Variants in CCDC150 observed in about 807,000 individuals in gnomAD.
CCDC150 encodes the protein coiled-coil domain containing 150.
CCDC150 carries 151 observed loss-of-function variants against 156.5 expected under a neutral mutation model. The observed-to-expected ratio is 0.97, with a 90% CI of 0.85 to 1.10. The LOEUF (loss-of-function observed/expected upper bound fraction) is 1.10, where lower values mean the gene tolerates loss of function less well. CCDC150 is among the 50% of genes least tolerant of loss of function. CCDC150 has a pLI of 0.00. For synonymous variants in CCDC150, 452 were observed against 429.4 expected (o/e 1.05, Z -0.65); for missense variants, 1,312 against 1,268.1 (o/e 1.03, Z -0.53).
chr2:196,706,895 C>A (rs1696688659), intron 15 of CCDC150, among the ~76,000 whole-genome samples: 1 of 152,202 alleles, frequency 6.6e-6, no homozygotes, highest in Non-Finnish European at 1.5e-5. Flanking sequence ...TTTTGATGTG[C>A]TGCTGGATTT....
intron 13 of CCDC150, among the ~76,000 whole-genome samples, chr2:196,694,203 T>G (rs1695670433): frequency 1.3e-5 from 2 of 152,172 alleles, no homozygotes; most frequent in African/African-American, 4.8e-5. Context: ...ATTATAGGCA[T>G]GTGCCACCAC....
At chr2:196,696,371 A>C (rs1201097653) in intron 14 of CCDC150, among the ~76,000 whole-genome samples, 1 of 152,032 alleles carries the variant, frequency 6.6e-6, no homozygotes, top group Non-Finnish European at 1.5e-5. Context: ...TTTCAGACCA[A>C]CCCTCTCTCT....
In CCDC150 at chr2:196,695,148, G is replaced by T; in HGVS notation, c.1612G>T (p.Asp538Tyr). 6.3e-7 allele frequency: 1 copy of T among 1,588,672 alleles called. No individual in the cohort carries two copies. The highest frequency in any genetic ancestry group is 1.1e-5 in the South Asian group (1 of 90,234). The change falls in exon 14 of 28, where the codon GAT becomes TAT. Residue 538 changes from aspartate to tyrosine, a missense_variant. Asp to Tyr is a radical substitution (Grantham distance 160). Coordinates refer to ENST00000389175, the MANE Select transcript of CCDC150 (RefSeq NM_001080539.2). ...CCTAGAACTTCAGCAAGTCACTTCT[G>T]ATTACCATGGGGTGGGTATAAAAAG... ...ASLELQQVTS[D>Y]YHGLAQQKVE...
intron 13 of CCDC150, among the ~76,000 whole-genome samples, chr2:196,686,987 A>G (rs986951642): frequency 5.9e-5 from 9 of 152,140 alleles, no homozygotes; most frequent in African/African-American, 1.9e-4. Context: ...TATGTACCAC[A>G]TTTGCTTTAT....
Position 196,725,986 on chromosome 2 carries a change from G to A in CCDC150, c.2443G>A (p.Glu815Lys), listed in dbSNP as rs1362686967. 6.3e-7 allele frequency: 1 copy of A among 1,598,910 alleles called. No individual in the cohort carries two copies. Among genetic ancestry groups the A allele is most frequent in the Admixed American group, 1.7e-5 (1 of 57,478 alleles). The change falls in exon 22 of 28, where the codon GAA becomes AAA. Residue 815 changes from glutamate to lysine, a missense_variant. Glu to Lys is a moderately conservative substitution (Grantham distance 56, BLOSUM62 1). Coordinates refer to ENST00000389175, the MANE Select transcript of CCDC150 (RefSeq NM_001080539.2). ...NLETFKDRMT[E>K]ESKVEAELHA... ...TCTTCAAAACAGAGACCGGATGACT[G>A]AAGAGTCCAAAGTGGAAGCAGAATT... is the stretch of plus-strand genomic sequence containing the variant.
chr2:196,654,997 G>C (rs1440975123), intron 2 of CCDC150, among the ~76,000 whole-genome samples: 2 of 152,192 alleles, frequency 1.3e-5, no homozygotes, highest in Non-Finnish European at 2.9e-5. Flanking sequence ...AGTACCATGA[G>C]AGCAGTAAGA....
chr2:196,669,167 C>G (rs1218582585), intron 7 of CCDC150, among the ~76,000 whole-genome samples: 5 of 152,182 alleles, frequency 3.3e-5, no homozygotes, highest in Non-Finnish European at 7.3e-5. Context: ...CTCCTGAGTT[C>G]TAGACCAGTA....
chr2:196,730,092 A>G lies in CCDC150; in HGVS notation c.2956A>G (p.Arg986Gly). ...ELHLEAERKI[R>G]QELENRCQEL... Reference sequence around the variant, plus strand: ...GCACCTAGAAGCAGAGCGGAAAATAAGGCAGGAGCTAGAGAATCGGTGCCA... The same window carrying G: ...GCACCTAGAAGCAGAGCGGAAAATAGGGCAGGAGCTAGAGAATCGGTGCCA... The change falls in exon 25 of 28, where the codon AGG (arginine) becomes GGG (glycine). Residue 986 changes from arginine to glycine, a missense_variant. Transcript: ENST00000389175. 6.2e-7 allele frequency: 1 copy of G among 1,610,018 alleles called. No individual in the cohort carries two copies. Among genetic ancestry groups the G allele is most frequent in the Non-Finnish European group, 8.5e-7 (1 of 1,178,560 alleles).
intron 17 of CCDC150, among the ~76,000 whole-genome samples, chr2:196,715,946 G>C (rs551836246): frequency 8.1e-4 from 123 of 152,268 alleles, no homozygotes; most frequent in African/African-American, 2.9e-3. Flanking sequence ...GGAATTATTT[G>C]CAAATCACAT....
Position 196,656,842 on chromosome 2 carries a change from C to T in CCDC150, c.386C>T (p.Pro129Leu). The stretch of plus-strand genomic sequence containing the variant: ...CTGCAAACTGAAAAGGATTTGAATC[C>T]TCAGAAAACAGGTATAGAGATAAGA... ...FRLQTEKDLN[P>L]QKTAFLKDRL... Residue 129 changes from proline (P) to leucine (L), a missense_variant, in exon 3 of 28, where the codon CCT becomes CTT. By Grantham distance (98) the Pro-to-Leu change is moderately conservative (BLOSUM62 -3). Coordinates refer to ENST00000389175, the MANE Select transcript of CCDC150 (RefSeq NM_001080539.2). 3 of 1,613,746 alleles carry T rather than the reference C, an allele frequency of 1.9e-6. No homozygotes were observed. Among genetic ancestry groups the T allele is most frequent in the Non-Finnish European group, 2.5e-6 (3 of 1,179,768 alleles).
chr2:196,713,472 G>C, intron 17 of CCDC150: 3 of 1,550,818 alleles, frequency 1.9e-6, no homozygotes, highest in Non-Finnish European at 2.6e-6. Flanking sequence ...GGTTTGCCTA[G>C]TGTTATTCCA....
intron 9 of CCDC150, 112 bp from the exon 10 acceptor site, chr2:196,674,129 A>G (rs1203632842): frequency 6.2e-6 from 4 of 646,122 alleles, no homozygotes; most frequent in African/African-American, 3.8e-5. Context: ...GGTTAAATAG[A>G]TTAGTTTCAT....
At chr2:196,705,013 ACATGTG>A (rs1696516456) in intron 15 of CCDC150, among the ~76,000 whole-genome samples, 1 of 152,216 alleles carries the variant, frequency 6.6e-6, no homozygotes, top group South Asian at 2.1e-4. Context: ...CAATAAACAT[ACATGTG>A]CATGTGTCTT....
At chr2:196,721,920 A>G (rs931366600) in intron 21 of CCDC150, among the ~76,000 whole-genome samples, 6 of 152,126 alleles carry the variant, frequency 3.9e-5, no homozygotes, top group African/African-American at 7.2e-5. Flanking sequence ...TTCATCCACT[A>G]TCTAGCTGCT....
Position 196,729,999 on chromosome 2 carries a change from C to A in CCDC150, c.2863C>A (p.Gln955Lys). ...QRFVCEMTNL[Q>K]KEMQMLAKSQ... ...ATTTGTGTGTGAAATGACTAACCTG[C>A]AGAAAGAGATGCAGATGTTGGCTAA... is the stretch of plus-strand genomic sequence containing the variant. Residue 955 changes from glutamine to lysine, a missense_variant, in exon 25 of 28, where the codon CAG becomes AAG. Physicochemically the swap from Gln to Lys is moderately conservative, Grantham distance 53 (BLOSUM62 1). Coordinates refer to ENST00000389175, the MANE Select transcript of CCDC150 (RefSeq NM_001080539.2). 1 of 1,613,618 alleles carries A rather than the reference C, an allele frequency of 6.2e-7. No individual in the cohort carries two copies. The highest frequency in any genetic ancestry group is 1.1e-5 in the South Asian group (1 of 90,920).
At chr2:196,713,669 C>T in intron 17 of CCDC150, 1 of 1,408,708 alleles carries the variant, frequency 7.1e-7, no homozygotes, top group Non-Finnish European at 9.3e-7. Flanking sequence ...ACCAAATTTT[C>T]TTAAACAGGA....
chr2:196,731,413 G>C (rs1184419613), intron 26 of CCDC150, among the ~76,000 whole-genome samples: 1 of 137,312 alleles, frequency 7.3e-6, no homozygotes, highest in Non-Finnish European at 1.5e-5. Context: ...TTTTTTCCAA[G>C]ACAGGGTCTC....
At chr2:196,644,217 A>G (rs1692402377) in intron 1 of CCDC150, among the ~76,000 whole-genome samples, 1 of 152,176 alleles carries the variant, frequency 6.6e-6, no homozygotes, top group South Asian at 2.1e-4. Flanking sequence ...GGCTGGGGTC[A>G]TGAGCTTTTC....
rs1697664382 is a variant in CCDC150, at chr2:196,718,335, AT to A, written c.1867-163del. 4 of 437,378 alleles carry A rather than the reference AT, an allele frequency of 9.1e-6. No homozygotes were observed. The South Asian group carries it at 2.0e-4, about 22-fold the overall frequency. The allele number at this position is 437,378 out of a possible 1,614,324, so 27.1% of individuals were successfully genotyped here. ...TTTGTCTATGTTTATTCACACAGAT[AT>A]TTTTGTTGTAGTTTCCTTTAAAGGA... is the stretch of plus-strand genomic sequence containing the variant. On this transcript the variant is annotated intron_variant, in intron 17 of 27. Transcript: ENST00000389175.
Sources: gnomAD v4.1 joint callset for allele counts (sites outside exome capture counted in the v4.1 genomes callset) on GRCh38, gnomAD v4.1.1 for gene constraint, MANE v1.5 for transcripts, NCBI Gene and HGNC (gene_info 2026-07-23, HGNC 2026-07-21) for gene names.